YPEL4: variants seen among roughly 807,000 people sequenced by gnomAD.
YPEL4 encodes the protein protein yippee-like 4.
In YPEL4, 5 loss-of-function variants were observed where a neutral mutation model predicts 16.3. That is an observed-to-expected ratio of 0.31 (90% CI 0.16 to 0.64). The LOEUF is 0.64. Ranked by LOEUF, YPEL4 falls within the 30% of genes least tolerant of loss-of-function variation. YPEL4 has a pLI of 0.79. For missense variants in YPEL4, 127 were observed against 170.0 expected (o/e 0.75, Z 1.41); for synonymous variants, 61 against 60.7 (o/e 1.00, Z -0.02).
chr11:57,647,234 T>TG lies in YPEL4; in HGVS notation c.-128dup. On this transcript the variant is annotated 5_prime_UTR_variant, in exon 2 of 5. Transcript: ENST00000300022. This position sits in a 1 kb window ranked among gnomAD's most constrained non-coding sequence, Gnocchi z 4.2. ...CCGTGTTTCAGGGCAGGAGAAGTGT[T>TG]GGGGGGCTGCCCGGCCAGGGCCCCC... 1 of 1,322,238 alleles carries TG rather than the reference T, an allele frequency of 7.6e-7. No homozygotes were observed. Among genetic ancestry groups the TG allele is most frequent in the South Asian group, 1.7e-5 (1 of 58,470 alleles). 81.9% of individuals were successfully genotyped at this position (1,322,238 alleles called of 1,614,324 possible). A position where few individuals can be genotyped will look rare whatever the true frequency, so the allele number is the denominator to read the frequency against.
intron 4 of YPEL4, 105 bp from the exon 5 acceptor site, chr11:57,646,175 C>G (rs764258055): frequency 4.2e-5 from 65 of 1,561,346 alleles, no homozygotes; most frequent in Non-Finnish European, 4.7e-5. Flanking sequence ...TAGCCCAACC[C>G]AGTGACTAGT....
rs1487277750 is a variant in YPEL4 at position 57,645,316 on chromosome 11, TC to T, written c.*664del. On this transcript the variant is annotated 3_prime_UTR_variant, in exon 5 of 5. Coordinates refer to ENST00000300022, the MANE Select transcript of YPEL4 (RefSeq NM_145008.3). ...CTAGGGGCTGTTCCGCGAGCAGCTGTCCCCACCCCACCCAATGGCAAAAGTT... is the reference window on the plus strand; with the variant it reads ...CTAGGGGCTGTTCCGCGAGCAGCTGTCCCACCCCACCCAATGGCAAAAGTT... 1 of 152,888 alleles carries T rather than the reference TC, an allele frequency of 6.5e-6. No homozygotes were observed. Among genetic ancestry groups the T allele is most frequent in the Non-Finnish European group, 1.5e-5 (1 of 68,348 alleles). 9.5% of individuals were successfully genotyped at this position (152,888 alleles called of 1,614,324 possible).
chr11:57,646,463 C>A (rs1371076578), intron 3 of YPEL4, 58 bp from the exon 4 acceptor site: 1 of 1,586,834 alleles, frequency 6.3e-7, no homozygotes, highest in Non-Finnish European at 8.6e-7. Context: ...TCAGTCCAGT[C>A]CCCAGACAGC....
At position 57,646,049 on chromosome 11, in the gene YPEL4, G is replaced by GGCAAGTACAAGGAA; in HGVS notation, c.315_316insTTCCTTGTACTTGC (p.Gln106PhefsTer21). The stretch of plus-strand genomic sequence containing the variant: ...ATGTATTTCCCTTCCTTGTACTTCT[G>GGCAAGTACAAGGAA]GCTCGTCTCAAAAGCTTGCTCCTGG... On this transcript the variant is annotated frameshift_variant, in exon 5 of 5. Transcript: ENST00000300022. LOFTEE classifies it high-confidence loss of function. The GGCAAGTACAAGGAA allele has an allele frequency of 6.2e-7, 1 of 1,614,104 alleles. No individual in the cohort carries two copies. Among genetic ancestry groups the GGCAAGTACAAGGAA allele is most frequent in the Non-Finnish European group, 8.5e-7 (1 of 1,180,030 alleles).
chr11:57,647,190 C>A lies in YPEL4; in HGVS notation c.-83G>T. On this transcript the variant is annotated 5_prime_UTR_variant, in exon 2 of 5. Coordinates refer to ENST00000300022, the MANE Select transcript of YPEL4 (RefSeq NM_145008.3). This position sits in a 1 kb window ranked among gnomAD's most constrained non-coding sequence, Gnocchi z 4.2. ...GCAGAGACGGTCGCAGGTGAAGCAG[C>A]GGAGCAGGTTGGCTAGAGCCGTGTT... is the stretch of plus-strand genomic sequence containing the variant. 1 of 1,464,328 alleles carries A rather than the reference C, an allele frequency of 6.8e-7. No homozygotes were observed. Among genetic ancestry groups the A allele is most frequent in the African/African-American group, 1.4e-5 (1 of 69,786 alleles). The allele number at this position is 1,464,328 out of a possible 1,614,324, so 90.7% of individuals were successfully genotyped here.
chr11:57,647,207 A>G lies in YPEL4; in HGVS notation c.-100T>C, dbSNP rs1945742560. 1 of 1,438,458 alleles carries G rather than the reference A, an allele frequency of 7.0e-7. No individual in the cohort carries two copies. The highest frequency in any genetic ancestry group is 9.2e-7 in the Non-Finnish European group (1 of 1,092,490). The allele number at this position is 1,438,458 out of a possible 1,614,324, so 89.1% of individuals were successfully genotyped here. A position where few individuals can be genotyped will look rare whatever the true frequency, so the allele number is the denominator to read the frequency against. ...TGAAGCAGCGGAGCAGGTTGGCTAGAGCCGTGTTTCAGGGCAGGAGAAGTG... is the reference window on the plus strand; with the variant it reads ...TGAAGCAGCGGAGCAGGTTGGCTAGGGCCGTGTTTCAGGGCAGGAGAAGTG... On this transcript the variant is annotated 5_prime_UTR_variant, in exon 2 of 5. Transcript: ENST00000300022. This position sits in a 1 kb window ranked among gnomAD's most constrained non-coding sequence, Gnocchi z 4.2.
At position 57,646,960 on chromosome 11, in the gene YPEL4, C is replaced by G. The variant is rs377001712; in HGVS notation, c.141+7G>C. On this transcript the variant is annotated splice_region_variant and intron_variant, in intron 2 of 4. Transcript: ENST00000300022. ...GGAGGGGAATGGCAGGTCCCCGCTTCGCGTACCTTGGAAATAAGCTCATCG... is the reference window on the plus strand; with the variant it reads ...GGAGGGGAATGGCAGGTCCCCGCTTGGCGTACCTTGGAAATAAGCTCATCG... 1 of 1,569,008 alleles carries G rather than the reference C, an allele frequency of 6.4e-7. No homozygotes were observed. The highest frequency in any genetic ancestry group is 1.2e-5 in the South Asian group (1 of 86,412).
At position 57,649,883 on chromosome 11, in the gene YPEL4, C is replaced by T. The variant is rs975188529; in HGVS notation, c.-383G>A. On this transcript the variant is annotated 5_prime_UTR_variant, in exon 1 of 5. Coordinates refer to ENST00000300022, the MANE Select transcript of YPEL4 (RefSeq NM_145008.3). The stretch of plus-strand genomic sequence containing the variant: ...TGCTGGGGGGGCAGAGGTTGTCTCT[C>T]GTTCTGTACCTCGGTCTGTGGGTGA... 5.2e-5 allele frequency: 8 copies of T among 152,406 alleles called. No individual in the cohort carries two copies. Among genetic ancestry groups the T allele is most frequent in the African/African-American group, 1.9e-4 (8 of 41,326 alleles). 9.4% of individuals were successfully genotyped at this position (152,406 alleles called of 1,614,324 possible).
In YPEL4 at chr11:57,645,511, G is replaced by A. The variant is rs1038498101; in HGVS notation, c.*470C>T. ...AGGAAACTTCATCCTCAGAGACTCT[G>A]GTCTCCTGGTGTCTGAGACCAGAAT... On this transcript the variant is annotated 3_prime_UTR_variant, in exon 5 of 5. Transcript: ENST00000300022. 3.8e-5 allele frequency: 6 copies of A among 159,604 alleles called. No homozygotes were observed. The highest frequency in any genetic ancestry group is 1.2e-4 in the African/African-American group (5 of 41,482). The allele number at this position is 159,604 out of a possible 1,614,324, so 9.9% of individuals were successfully genotyped here.
intron 2 of YPEL4, 56 bp from the exon 3 acceptor site, chr11:57,646,850 G>C: frequency 1.9e-6 from 3 of 1,608,948 alleles, no homozygotes; most frequent in Non-Finnish European, 2.5e-6. Flanking sequence ...CCCACTGCCT[G>C]AATCCCCGCA....
At position 57,646,315 on chromosome 11, in the gene YPEL4, G is replaced by A. The variant is rs1287627782; in HGVS notation, c.276C>T (p.Thr92=). 2 of 1,614,030 alleles carry A rather than the reference G, an allele frequency of 1.2e-6. No homozygotes were observed. The highest frequency in any genetic ancestry group is 1.7e-6 in the Non-Finnish European group (2 of 1,180,034). The change falls in exon 4 of 5, where the codon ACC becomes ACT. Residue 92 remains threonine, a synonymous_variant. Coordinates refer to ENST00000300022, the MANE Select transcript of YPEL4 (RefSeq NM_145008.3). ...TACTTACATATTTCCAGCCCAGTGT[G>A]GTTTTGCAGCTCTCACAGAAAATGT... ...VADIFCESCK[T]TLGWKYEQAF...
chr11:57,648,028 TACTA>T (rs1366127403), intron 1 of YPEL4: 2 of 152,214 alleles, frequency 1.3e-5, no homozygotes, highest in Admixed American at 1.3e-4. Flanking sequence ...TCCTAGTCTT[TACTA>T]ACTGTTGCCT....
At chr11:57,648,288 A>C (rs1282404415) in intron 1 of YPEL4, 3 of 152,328 alleles carry the variant, frequency 2.0e-5, no homozygotes, top group Admixed American at 2.0e-4. Flanking sequence ...AGGGACAAAC[A>C]GCAGTGACTC....
intron 3 of YPEL4, 142 bp from the exon 4 acceptor site, chr11:57,646,547 TG>T (rs925197156): frequency 2.5e-6 from 3 of 1,198,818 alleles, no homozygotes; most frequent in African/African-American, 3.0e-5. Context: ...GACTAGAGCC[TG>T]GGCCTTCTTT....
At chr11:57,646,673 C>A in intron 3 of YPEL4, 78 bp downstream of exon 3, 3 of 1,574,988 alleles carry the variant, frequency 1.9e-6, no homozygotes, top group East Asian at 4.6e-5. Context: ...CTGATGGATT[C>A]CCCCCTTTCT....
At chr11:57,646,104 A>T (rs1945727428) in intron 4 of YPEL4, 34 bp from the exon 5 acceptor site, 3 of 1,612,908 alleles carry the variant, frequency 1.9e-6, no homozygotes, top group Non-Finnish European at 2.5e-6. Flanking sequence ...TGTAGGACAA[A>T]GCAGTTTCCT....
Position 57,646,760 on chromosome 11 carries a change from A to C in YPEL4, c.176T>G (p.Phe59Cys). Residue 59 changes from phenylalanine (F) to cysteine (C), a missense_variant, in exon 3 of 5, where the codon TTT becomes TGT. Phe to Cys is a radical substitution (Grantham distance 205). Coordinates refer to ENST00000300022, the MANE Select transcript of YPEL4 (RefSeq NM_145008.3). ...AAAGAGGTAGACTCACACGGAGTTA[A>C]ACAGGTAGGCTCGGCCATGGCTCCC... ...FQGSHGRAYL[F>C]NSVVNVGCGP... is the part of the protein sequence containing the mutation. 1 of 1,614,008 alleles carries C rather than the reference A, an allele frequency of 6.2e-7. No individual in the cohort carries two copies. The highest frequency in any genetic ancestry group is 8.5e-7 in the Non-Finnish European group (1 of 1,179,978).
In YPEL4 at chr11:57,646,357, C is replaced by T; in HGVS notation, c.234G>A (p.Gly78=). The T allele has an allele frequency of 6.2e-7, 1 of 1,614,158 alleles. No homozygotes were observed. The highest frequency in any genetic ancestry group is 1.1e-5 in the South Asian group (1 of 91,086). The change falls in exon 4 of 5, where the codon GGG becomes GGA. Residue 78 remains glycine, a synonymous_variant. Coordinates refer to ENST00000300022, the MANE Select transcript of YPEL4 (RefSeq NM_145008.3). ...AGAAAATGTCAGCTACCGAGTGGAG[C>T]CCCGTGAGCAAGAGGCGCTGTTCAG... ...GPAEQRLLLT[G]LHSVADIFCE... is the part of the protein sequence containing the mutation.
At position 57,647,154 on chromosome 11, in the gene YPEL4, G is replaced by A. The variant is rs2135348619; in HGVS notation, c.-47C>T. On this transcript the variant is annotated 5_prime_UTR_variant, in exon 2 of 5. In the 5' UTR this introduces an upstream ATG that the reference lacks. Coordinates refer to ENST00000300022, the MANE Select transcript of YPEL4 (RefSeq NM_145008.3). The surrounding 1 kb of genome is among the most constrained non-coding windows in gnomAD (Gnocchi z 4.2). ...CTGGTGGGCTGGAGGGGCTGGCGCC[G>A]TGCAGCCCCCGCAGAGACGGTCGCA... The A allele has an allele frequency of 6.0e-6, 9 of 1,507,900 alleles. No homozygotes were observed. Among genetic ancestry groups the A allele is most frequent in the Admixed American group, 2.7e-5 (1 of 37,654 alleles). The allele number at this position is 1,507,900 out of a possible 1,614,324, so 93.4% of individuals were successfully genotyped here. A position where few individuals can be genotyped will look rare whatever the true frequency, so the allele number is the denominator to read the frequency against.
Sources: gnomAD v4.1 joint callset for allele counts on GRCh38, gnomAD v4.1.1 for gene constraint, Gnocchi (gnomAD v3.1) non-coding constraint, MANE v1.5 for transcripts, NCBI Gene and HGNC (gene_info 2026-07-23, HGNC 2026-07-21) for gene names.